PRDM2: variants seen among roughly 807,000 people sequenced by gnomAD.
PRDM2 encodes the protein PR/SET domain 2.
PRDM2 carries 30 observed loss-of-function variants against 130.0 expected under a neutral mutation model. The ratio of observed to expected loss-of-function variants is 0.23; its 90% CI spans 0.17 to 0.31. The LOEUF is 0.31. PRDM2 is among the 10% of genes least tolerant of loss of function. PRDM2 has a pLI of 1.00. For synonymous variants in PRDM2, 871 were observed against 782.4 expected (o/e 1.11, Z -1.89); for missense variants, 2,011 against 2,108.4 (o/e 0.95, Z 0.90).
chr1:13,810,641 C>T (rs1645156418), intron 8 of PRDM2, among the ~76,000 whole-genome samples: 1 of 151,960 alleles, frequency 6.6e-6, no homozygotes, highest in African/African-American at 2.4e-5. Context: ...ACTACAGGCG[C>T]CCGCCACCAC....
intron 6 of PRDM2, among the ~76,000 whole-genome samples, chr1:13,761,709 C>A (rs1018544064): frequency 6.6e-6 from 1 of 152,046 alleles, no homozygotes; most frequent in African/African-American, 2.4e-5. Context: ...TTAAGAACCA[C>A]CACAGTGAAC....
rs374622190 is a variant in PRDM2 at position 13,806,383 on chromosome 1, C to A, written c.5037-10044C>A. 6.6e-6 allele frequency among the ~76,000 whole-genome samples: 1 copy of A among 152,140 alleles called. No homozygotes were observed. Among genetic ancestry groups the A allele is most frequent in the East Asian group, 1.9e-4 (1 of 5,182 alleles). On this transcript the variant is annotated intron_variant, in intron 8 of 9. Coordinates refer to ENST00000311066, the MANE Select transcript of PRDM2 (RefSeq NM_001393986.1). This position sits in a 1 kb window ranked among gnomAD's most constrained non-coding sequence, Gnocchi z 4.1. Reference sequence around the variant, plus strand: ...ATGCTGACCAATCCCGGGTTTCCACCCTCATCAGAATCTCCATTCAGCCGC... The same window carrying A: ...ATGCTGACCAATCCCGGGTTTCCACACTCATCAGAATCTCCATTCAGCCGC...
At chr1:13,748,185 T>C (rs1266833998) in intron 5 of PRDM2, among the ~76,000 whole-genome samples, 1 of 152,256 alleles carries the variant, frequency 6.6e-6, no homozygotes, top group East Asian at 1.9e-4. Context: ...GTATGTCTTA[T>C]TACAAAAGTG....
chr1:13,761,023 T>C (rs1644085314), intron 6 of PRDM2, among the ~76,000 whole-genome samples: 1 of 152,252 alleles, frequency 6.6e-6, no homozygotes, highest in Non-Finnish European at 1.5e-5. Flanking sequence ...CACTAAGGAA[T>C]TCTTCATGTG....
chr1:13,810,253 G>A (rs910246089), intron 8 of PRDM2, among the ~76,000 whole-genome samples: 1 of 152,100 alleles, frequency 6.6e-6, no homozygotes, highest in African/African-American at 2.4e-5. Context: ...CACATACATG[G>A]CCTGGCACAT....
At chr1:13,768,185 C>A (rs1002226497) in intron 6 of PRDM2, among the ~76,000 whole-genome samples, 2 of 147,186 alleles carry the variant, frequency 1.4e-5, no homozygotes, top group African/African-American at 5.0e-5. Context: ...TCACGCCATT[C>A]TCCTGCCTCA....
intron 2 of PRDM2, among the ~76,000 whole-genome samples, chr1:13,724,916 G>T (rs759217548): frequency 2.0e-5 from 3 of 152,174 alleles, no homozygotes; most frequent in Non-Finnish European, 4.4e-5. Flanking sequence ...CTCAGGAAGT[G>T]GGGGAGGTGC....
chr1:13,732,913 A>G, intron 4 of PRDM2, 31 bp downstream of exon 4: 1 of 1,376,054 alleles, frequency 7.3e-7, no homozygotes, highest in Non-Finnish European at 1.0e-6. Flanking sequence ...TTTGTTTTTC[A>G]GAGTTTTATG....
At chr1:13,719,890 A>G (rs1222772012) in intron 2 of PRDM2, among the ~76,000 whole-genome samples, 2 of 152,154 alleles carry the variant, frequency 1.3e-5, no homozygotes, top group African/African-American at 4.8e-5. Context: ...ATATGGTATG[A>G]TTCTAAGCTG....
chr1:13,700,309 T>C lies in PRDM2; in HGVS notation c.-66+9T>C, dbSNP rs565262040. On this transcript the variant is annotated intron_variant, in intron 1 of 9. Coordinates refer to ENST00000311066, the MANE Select transcript of PRDM2 (RefSeq NM_001393986.1). The stretch of plus-strand genomic sequence containing the variant: ...TGGCGCGGCGGGCGCGGGTAAGGAG[T>C]GGCGCGGGTGGGCGGCCTCTGGGCT... The C allele has an allele frequency of 1.3e-3, 192 of 147,374 alleles. 3 individuals carry two copies. The South Asian group carries it at 0.034, about 26-fold the overall frequency. 9.1% of individuals were successfully genotyped at this position (147,374 alleles called of 1,614,324 possible). A position where few individuals can be genotyped will look rare whatever the true frequency, so the allele number is the denominator to read the frequency against.
intron 9 of PRDM2, among the ~76,000 whole-genome samples, chr1:13,817,397 T>G (rs944006100): frequency 3.9e-5 from 6 of 152,164 alleles, no homozygotes; most frequent in Non-Finnish European, 8.8e-5. Flanking sequence ...GGTAAAAACC[T>G]GGAATTACTC....
intron 6 of PRDM2, among the ~76,000 whole-genome samples, chr1:13,755,553 A>T (rs1007732688): frequency 2.6e-5 from 4 of 152,208 alleles, no homozygotes; most frequent in Admixed American, 2.6e-4. Flanking sequence ...GATTTTTACA[A>T]ATCCACTTAT....
Position 13,780,982 on chromosome 1 carries a change from T to A in PRDM2, c.3187T>A (p.Ser1063Thr). Residue 1063 changes from serine to threonine, a missense_variant, in exon 8 of 10, where the codon TCG becomes ACG. Ser to Thr is a moderately conservative substitution (Grantham distance 58, BLOSUM62 1). Coordinates refer to ENST00000311066, the MANE Select transcript of PRDM2 (RefSeq NM_001393986.1). ...CTCCTCTTCATCTTCCTCCTCCTCT[T>A]CGTTTTCTTCTTCATCTTCCTCCTC... ...SSSSSSSSSS[S>T]FSSSSSSSSP... 2 of 1,600,594 alleles carry A rather than the reference T, an allele frequency of 1.2e-6. No individual in the cohort carries two copies. The highest frequency in any genetic ancestry group is 1.7e-6 in the Non-Finnish European group (2 of 1,167,954).
intron 2 of PRDM2, among the ~76,000 whole-genome samples, chr1:13,716,914 C>A (rs1379695819): frequency 6.6e-6 from 1 of 151,378 alleles, no homozygotes; most frequent in African/African-American, 2.4e-5. Flanking sequence ...CATTTTGTAT[C>A]CCTCATCAAC....
chr1:13,746,196 A>AT (rs960503240), intron 5 of PRDM2, among the ~76,000 whole-genome samples: 1 of 151,918 alleles, frequency 6.6e-6, no homozygotes, highest in Non-Finnish European at 1.5e-5. Flanking sequence ...GTTGTTGTTA[A>AT]TTTTTTTAAT....
chr1:13,758,681 T>A (rs1487140547), intron 6 of PRDM2, among the ~76,000 whole-genome samples: 1 of 152,198 alleles, frequency 6.6e-6, no homozygotes, highest in Non-Finnish European at 1.5e-5. Context: ...GGTAAGAGAC[T>A]AGAAAATTCT....
Position 13,781,457 on chromosome 1 carries a change from A to G in PRDM2, c.3662A>G (p.His1221Arg). Residue 1221 changes from histidine to arginine, a missense_variant, in exon 8 of 10, where the codon CAT becomes CGT. By Grantham distance (29) the His-to-Arg change is conservative (BLOSUM62 0). This residue lies in a region of PRDM2 where 229 missense variants were observed against 364.1 expected (regional missense o/e 0.63). Coordinates refer to ENST00000311066, the MANE Select transcript of PRDM2 (RefSeq NM_001393986.1). This position sits in a 1 kb window ranked among gnomAD's most constrained non-coding sequence, Gnocchi z 6.1. Reference protein sequence around the residue: ...RDLHPDKVCTHHEFESGTLRP... With the variant: ...RDLHPDKVCTRHEFESGTLRP... ...CTCCACCCAGATAAGGTGTGCACAC[A>G]TCACGAGTTTGAAAGCGGGACTCTG... 2.5e-6 allele frequency: 4 copies of G among 1,613,902 alleles called. No homozygotes were observed. The highest frequency in any genetic ancestry group is 3.4e-6 in the Non-Finnish European group (4 of 1,179,948).
At chr1:13,745,955 T>G (rs879671774) in intron 5 of PRDM2, among the ~76,000 whole-genome samples, 5 of 152,184 alleles carry the variant, frequency 3.3e-5, no homozygotes, top group Non-Finnish European at 7.3e-5. Flanking sequence ...CTGTGTGTGT[T>G]TGAGTGATTC....
rs189251467 is a variant in PRDM2 at position 13,821,159 on chromosome 1, T to C, written c.*24-2000T>C. 2.7e-3 allele frequency among the ~76,000 whole-genome samples: 376 copies of C among 138,248 alleles called. 1 individual carries two copies. The highest frequency in any genetic ancestry group is 0.011 in the African/African-American group (358 of 33,880). The allele number at this position is 138,248 out of a possible 152,430, so 90.7% of individuals were successfully genotyped here. On this transcript the variant is annotated intron_variant, in intron 9 of 9. Coordinates refer to ENST00000311066, the MANE Select transcript of PRDM2 (RefSeq NM_001393986.1). ...TGTTTCAATTCACGCATCTGCGAAA[T>C]GGGTTAATAATAATAATACCTCTCT... is the stretch of plus-strand genomic sequence containing the variant.
Sources: allele counts gnomAD v4.1 joint callset (sites outside exome capture counted in the v4.1 genomes callset), GRCh38; gene constraint gnomAD v4.1.1; regional missense constraint gnomAD v4.1.1; non-coding constraint Gnocchi (gnomAD v3.1); transcripts MANE v1.5; gene names NCBI Gene and HGNC (gene_info 2026-07-23, HGNC 2026-07-21).